The following TBC1D22A variants were observed in gnomAD, a reference collection of about 807,000 sequenced individuals.
The protein encoded by TBC1D22A is putative GTPase activator.
A neutral mutation model predicts 60.2 loss-of-function variants in TBC1D22A; 38 were observed. That is an observed-to-expected ratio of 0.63 (90% CI 0.49 to 0.83). The LOEUF (loss-of-function observed/expected upper bound fraction) is 0.83. Ranked by LOEUF, TBC1D22A falls within the 40% of genes least tolerant of loss-of-function variation. The pLI, the probability that TBC1D22A is intolerant of heterozygous loss-of-function variation, is 0.00. For synonymous variants in TBC1D22A, 302 were observed against 281.7 expected, an observed-to-expected ratio of 1.07 and a Z score of -0.72; for missense variants, 628 against 701.0, an observed-to-expected ratio of 0.90 and a Z score of 1.18.
intron 1 of TBC1D22A, among the ~76,000 whole-genome samples, chr22:46,779,204 C>T (rs955892260): frequency 9.9e-5 from 15 of 152,112 alleles, no homozygotes; most frequent in Admixed American, 5.2e-4. Context: ...TCAGCATCAC[C>T]GCAAACACAG....
At chr22:46,916,922 G>A (rs2070405807) in intron 8 of TBC1D22A, among the ~76,000 whole-genome samples, 1 of 152,206 alleles carries the variant, frequency 6.6e-6, no homozygotes, top group African/African-American at 2.4e-5. Context: ...AGGTTTCGCA[G>A]CTCATAAATT....
At chr22:47,013,461 C>T (rs371913402) in intron 10 of TBC1D22A, among the ~76,000 whole-genome samples, 1 of 152,138 alleles carries the variant, frequency 6.6e-6, no homozygotes, top group East Asian at 1.9e-4. Context: ...AAAGAGCTGT[C>T]GTGGTTTCGA....
Position 46,894,820 on chromosome 22 carries a change from T to C in TBC1D22A, c.874T>C (p.Leu292=), listed in dbSNP as rs986157740. 8 of 1,614,128 alleles carry C rather than the reference T, an allele frequency of 5.0e-6. No homozygotes were observed. The Admixed American group carries it at 6.7e-5, about 13-fold the overall frequency. Reference sequence around the variant, plus strand: ...CATCCCTCGCATGAGCCCTGAAGCGTTGATCCTGCAGCCCAAGGTGACGGA... The same window carrying C: ...CATCCCTCGCATGAGCCCTGAAGCGCTGATCCTGCAGCCCAAGGTGACGGA... The part of the protein sequence containing the change: ...IDIPRMSPEA[L]ILQPKVTEIF... The change falls in exon 7 of 13, where the codon TTG becomes CTG. Residue 292 remains leucine, a synonymous_variant. Transcript: ENST00000337137.
intron 11 of TBC1D22A, among the ~76,000 whole-genome samples, chr22:47,079,841 A>G (rs2064387799): frequency 6.6e-6 from 1 of 152,224 alleles, no homozygotes; most frequent in Admixed American, 6.5e-5. Context: ...ATAGATTGTA[A>G]GAGTGAATAG....
chr22:47,135,886 C>G (rs2066849707), intron 12 of TBC1D22A, among the ~76,000 whole-genome samples: 1 of 151,868 alleles, frequency 6.6e-6, no homozygotes, highest in Non-Finnish European at 1.5e-5. Flanking sequence ...TGTGTTCATT[C>G]GCCCAGCGCT....
intron 12 of TBC1D22A, among the ~76,000 whole-genome samples, chr22:47,132,927 G>A (rs2066729964): frequency 6.6e-6 from 1 of 152,254 alleles, no homozygotes; most frequent in Non-Finnish European, 1.5e-5. Context: ...GGGTGGACAT[G>A]GAGTTCATTT....
chr22:47,156,066 C>T, intron 12 of TBC1D22A, among the ~76,000 whole-genome samples: 1 of 152,140 alleles, frequency 6.6e-6, no homozygotes, highest in East Asian at 1.9e-4. Flanking sequence ...TGAGCCCCCT[C>T]CCCACGTGGA....
intron 11 of TBC1D22A, among the ~76,000 whole-genome samples, chr22:47,069,104 G>T (rs914152851): frequency 6.6e-6 from 1 of 152,070 alleles, no homozygotes; most frequent in African/African-American, 2.4e-5. Flanking sequence ...AACATTAAGT[G>T]GCTAATTATA....
chr22:47,005,661 C>T (rs2061565124), intron 10 of TBC1D22A, among the ~76,000 whole-genome samples: 1 of 150,482 alleles, frequency 6.6e-6, no homozygotes, highest in Non-Finnish European at 1.5e-5. Context: ...CACCCACACA[C>T]ACACCCATAT....
Position 46,953,219 on chromosome 22 carries a change from G to C in TBC1D22A, c.1016-21071G>C, listed in dbSNP as rs187740689. ...AATTTTAAAATACTTCATATTTCGA[G>C]TTGCAGTCAATATTACATTATATGT... On this transcript the variant is annotated intron_variant, in intron 8 of 12. Coordinates refer to ENST00000337137, the MANE Select transcript of TBC1D22A (RefSeq NM_014346.5). Among the ~76,000 whole-genome samples the C allele has an allele frequency of 7.6e-4, 116 of 152,226 alleles. 1 individual carries two copies. The highest frequency in any genetic ancestry group is 7.6e-3 in the Admixed American group (116 of 15,302).
chr22:46,910,588 C>G (rs2147774058), intron 7 of TBC1D22A, among the ~76,000 whole-genome samples: 1 of 152,274 alleles, frequency 6.6e-6, no homozygotes, highest in Non-Finnish European at 1.5e-5. Flanking sequence ...CCTTAGCTGG[C>G]AGGCAGCCCG....
chr22:47,101,396 C>G (rs777305760), intron 11 of TBC1D22A, among the ~76,000 whole-genome samples: 45 of 152,256 alleles, frequency 3.0e-4, no homozygotes, highest in Admixed American at 4.6e-4. Context: ...CCTCTAGAGC[C>G]TGTCACTGCC....
chr22:47,043,195 C>T (rs2062907208), intron 11 of TBC1D22A, among the ~76,000 whole-genome samples: 1 of 152,234 alleles, frequency 6.6e-6, no homozygotes, highest in Non-Finnish European at 1.5e-5. Flanking sequence ...CAAGAGCCGG[C>T]CCTCAGGCAG....
intron 4 of TBC1D22A, among the ~76,000 whole-genome samples, chr22:46,831,196 C>A (rs1024014917): frequency 6.6e-6 from 1 of 152,064 alleles, no homozygotes; most frequent in Non-Finnish European, 1.5e-5. Flanking sequence ...CAGAGCCCAC[C>A]CCTGACATTT....
chr22:47,159,775 C>G lies in TBC1D22A; in HGVS notation c.1426-13723C>G, dbSNP rs558813299. Among the ~76,000 whole-genome samples, 13 of 151,970 alleles carry G rather than the reference C, an allele frequency of 8.6e-5. No individual in the cohort carries two copies. The East Asian group carries it at 2.5e-3, about 29-fold the overall frequency. On this transcript the variant is annotated intron_variant, in intron 12 of 12. Transcript: ENST00000337137. ...ACACACTAAACACCCACACCACACACTCACACAGACCCTACACATGCACCA... is the reference window on the plus strand; with the variant it reads ...ACACACTAAACACCCACACCACACAGTCACACAGACCCTACACATGCACCA...
intron 6 of TBC1D22A, among the ~76,000 whole-genome samples, chr22:46,894,105 T>C (rs994182707): frequency 1.3e-5 from 2 of 152,206 alleles, no homozygotes; most frequent in Non-Finnish European, 2.9e-5. Context: ...TTGGTGCCGT[T>C]GTCCTGGATA....
rs181661727 is a variant in TBC1D22A at position 46,779,073 on chromosome 22, G to A, written c.63-13447G>A. 2.0e-5 allele frequency among the ~76,000 whole-genome samples: 3 copies of A among 152,268 alleles called. No homozygotes were observed. In the East Asian group the frequency reaches 5.8e-4, roughly 29 times the overall value. On this transcript the variant is annotated intron_variant, in intron 1 of 12. Coordinates refer to ENST00000337137, the MANE Select transcript of TBC1D22A (RefSeq NM_014346.5). ...TAAAAAAACAAGTATAATACAATTA[G>A]TACAATGAATACATCCATAAAGCAG...
chr22:46,941,932 TATAC>T (rs2072183730), intron 8 of TBC1D22A, among the ~76,000 whole-genome samples: 1 of 110,276 alleles, frequency 9.1e-6, no homozygotes, highest in Non-Finnish European at 1.8e-5. Flanking sequence ...TGTATGTATG[TATAC>T]ACACACACAC....
At chr22:46,962,924 A>G (rs1467848281) in intron 8 of TBC1D22A, among the ~76,000 whole-genome samples, 1 of 152,128 alleles carries the variant, frequency 6.6e-6, no homozygotes, top group Non-Finnish European at 1.5e-5. Context: ...TAAAAGAATC[A>G]GTGCCTGGGC....
Sources: allele counts gnomAD v4.1 joint callset (sites outside exome capture counted in the v4.1 genomes callset), GRCh38; gene constraint gnomAD v4.1.1; transcripts MANE v1.5; gene names NCBI Gene and HGNC (gene_info 2026-07-23, HGNC 2026-07-21).